BCOR: variants seen among roughly 807,000 people sequenced by gnomAD.
BCOR encodes BCL-6 corepressor.
A neutral mutation model predicts 86.7 loss-of-function variants in BCOR; 10 were observed. The observed-to-expected ratio is 0.12, with a 90% CI of 0.07 to 0.20. The LOEUF (loss-of-function observed/expected upper bound fraction) is 0.20. Ranked by LOEUF, BCOR falls within the 10% of genes least tolerant of loss-of-function variation. The pLI, the probability that BCOR is intolerant of heterozygous loss-of-function variation, is 1.00. For synonymous variants in BCOR, 611 were observed against 609.0 expected (o/e 1.00, Z -0.05); for missense variants, 1,259 against 1,452.1 (o/e 0.87, Z 2.16).
rs749475374 is a variant in BCOR at position 40,074,586 on chromosome X, C to T, written c.760G>A (p.Gly254Ser). ...FLYLPPPHYV[G>S]PHIPSSLASP... ...GCCAAGGACGATGGGATGTGGGGAC[C>T]GACGTAGTGAGGTGGCGGCAGGTAG... Residue 254 changes from glycine to serine, a missense_variant, in exon 4 of 15, where the codon GGT (glycine) becomes AGT (serine). Around this residue, in one of 7 missense-constraint regions of BCOR, gnomAD observed 534 missense variants for 594.8 expected, o/e 0.90. Coordinates refer to ENST00000378444, the MANE Select transcript of BCOR (RefSeq NM_001123385.2). 8.3e-6 allele frequency: 10 copies of T among 1,210,444 alleles called. No homozygotes were observed. Among genetic ancestry groups the T allele is most frequent in the African/African-American group, 7.0e-5 (4 of 57,397 alleles).
At chrX:40,123,794 G>GT (rs869272553) in intron 1 of BCOR, among the ~76,000 whole-genome samples, 12 of 93,134 alleles carry the variant, frequency 1.3e-4, no homozygotes, top group Middle Eastern at 5.2e-3. Flanking sequence ...AGGTTTCCTG[G>GT]TTGTGTGTGT....
In BCOR at chrX:40,174,509, C is replaced by A. The variant is rs189756478; in HGVS notation, c.-41+2498G>T. Among the ~76,000 whole-genome samples the A allele has an allele frequency of 4.4e-5, 5 of 112,743 alleles. No individual in the cohort carries two copies. In the East Asian group the frequency reaches 1.4e-3, roughly 31 times the overall value. On this transcript the variant is annotated intron_variant, in intron 1 of 14. Coordinates refer to the BCOR transcript ENST00000342274. ...GCGGCAGCACACGTCTGGGCAGCCCCCTCCCCGTACCCAGCAGCGTGTACG... is the reference window on the plus strand; with the variant it reads ...GCGGCAGCACACGTCTGGGCAGCCCACTCCCCGTACCCAGCAGCGTGTACG...
At chrX:40,111,675 T>C (rs1336876457) in intron 1 of BCOR, among the ~76,000 whole-genome samples, 1 of 112,142 alleles carries the variant, frequency 8.9e-6, no homozygotes, top group Non-Finnish European at 1.9e-5. Flanking sequence ...CTGCTACAGT[T>C]TGTGTAAAAA....
chrX:40,166,977 G>C (rs897429081), intron 1 of BCOR, among the ~76,000 whole-genome samples: 3 of 111,488 alleles, frequency 2.7e-5, no homozygotes, highest in South Asian at 3.7e-4. Flanking sequence ...GCTCAGAAGT[G>C]CCAGGCTCCT....
intron 6 of BCOR, among the ~76,000 whole-genome samples, chrX:40,066,018 C>T (rs1935182973): frequency 9.0e-6 from 1 of 111,170 alleles, no homozygotes; most frequent in Non-Finnish European, 1.9e-5. Flanking sequence ...TTCACCTTCT[C>T]TTCAAGGGTG....
intron 1 of BCOR, among the ~76,000 whole-genome samples, chrX:40,139,441 TATATA>T (rs1442517549): frequency 6.0e-5 from 1 of 16,577 alleles, no homozygotes; most frequent in Non-Finnish European, 8.1e-5. Context: ...TATATATATA[TATATA>T]ATATATATAC....
At chrX:40,080,057 C>G (rs997624468) in intron 1 of BCOR, among the ~76,000 whole-genome samples, 2 of 80,678 alleles carry the variant, frequency 2.5e-5, no homozygotes, top group Admixed American at 2.2e-4. Flanking sequence ...CTCAACCAAA[C>G]CCCCAAGAAA....
At chrX:40,082,399 G>A (rs186837942) in intron 1 of BCOR, among the ~76,000 whole-genome samples, 9 of 111,967 alleles carry the variant, frequency 8.0e-5, no homozygotes, top group African/African-American at 2.6e-4. Flanking sequence ...GTCCACACAG[G>A]CATTGAGGGT....
Position 40,073,584 on chromosome X carries a change from C to T in BCOR, c.1762G>A (p.Val588Ile), listed in dbSNP as rs1935603023. Residue 588 changes from valine (V) to isoleucine (I), a missense_variant, in exon 4 of 15, where the codon GTA (valine) becomes ATA (isoleucine). Val to Ile is a conservative substitution (Grantham distance 29). Coordinates refer to ENST00000378444, the MANE Select transcript of BCOR (RefSeq NM_001123385.2). The stretch of plus-strand genomic sequence containing the variant: ...TGAATAACGGATGGTGTGGTTTCTA[C>T]AGAGCTCCTGCTGGTTTTGGTGCCA... ...ADGTKTSRSSVETTPSVIQHV... is the reference protein window; with the variant it reads ...ADGTKTSRSSIETTPSVIQHV... 1 of 1,212,194 alleles carries T rather than the reference C, an allele frequency of 8.2e-7. No individual in the cohort carries two copies.
intron 1 of BCOR, among the ~76,000 whole-genome samples, chrX:40,143,058 C>T (rs757370555): frequency 2.9e-4 from 33 of 112,374 alleles, no homozygotes; most frequent in Admixed American, 5.6e-4. Flanking sequence ...GCTGAGCTGC[C>T]GGCAGGTAGA....
rs182717314 is a variant in BCOR, at chrX:40,140,224, G to A, written c.-41+36783C>T. On this transcript the variant is annotated intron_variant, in intron 1 of 14. Coordinates refer to the BCOR transcript ENST00000342274. ...TGTAATCCCAGCACTTTGGGAGGCC[G>A]AGGCGGGAGGATCACTTGAGCCCAG... Among the ~76,000 whole-genome samples the A allele has an allele frequency of 2.4e-3, 262 of 107,964 alleles. 2 individuals carry two copies. Among genetic ancestry groups the A allele is most frequent in the African/African-American group, 7.7e-3 (226 of 29,515 alleles). The allele number at this position is 107,964 out of a possible 115,157, so 93.8% of individuals were successfully genotyped here. A position where few individuals can be genotyped will look rare whatever the true frequency, so the allele number is the denominator to read the frequency against.
intron 1 of BCOR, among the ~76,000 whole-genome samples, chrX:40,170,941 T>C (rs1428331849): frequency 1.8e-5 from 2 of 111,847 alleles, no homozygotes; most frequent in Non-Finnish European, 3.8e-5. Context: ...AGCAGAAGGG[T>C]TGAGCCGCAT....
intron 1 of BCOR, among the ~76,000 whole-genome samples, chrX:40,092,388 G>A (rs757349449): frequency 1.8e-5 from 2 of 111,009 alleles, no homozygotes; most frequent in African/African-American, 6.5e-5. Flanking sequence ...CGGAGTTTAC[G>A]TGCGCGTCTG....
At chrX:40,172,469 C>T (rs2148034168) in intron 1 of BCOR, among the ~76,000 whole-genome samples, 1 of 113,561 alleles carries the variant, frequency 8.8e-6, no homozygotes, top group South Asian at 3.5e-4. Flanking sequence ...CACACAACCG[C>T]CACGGGCTTC....
chrX:40,071,875 C>T (rs1935490713), intron 4 of BCOR, 185 bp from the exon 5 acceptor site: 1 of 435,673 alleles, frequency 2.3e-6, no homozygotes, highest in Non-Finnish European at 4.0e-6. Context: ...AAGTTAAATA[C>T]ATACTCTATC....
At chrX:40,109,563 G>A (rs1937261610) in intron 1 of BCOR, among the ~76,000 whole-genome samples, 1 of 111,552 alleles carries the variant, frequency 9.0e-6, no homozygotes, top group Non-Finnish European at 1.9e-5. Flanking sequence ...GACGGACTCG[G>A]CGCCGGCCCC....
chrX:40,167,511 C>T (rs1305982657), intron 1 of BCOR, among the ~76,000 whole-genome samples: 1 of 112,693 alleles, frequency 8.9e-6, no homozygotes. Context: ...CTTATTCCCG[C>T]CCTGATTTAA....
intron 1 of BCOR, among the ~76,000 whole-genome samples, chrX:40,159,407 C>T (rs1378083015): frequency 8.8e-6 from 1 of 113,115 alleles, no homozygotes; most frequent in Non-Finnish European, 1.9e-5. Context: ...AGTGCACTGG[C>T]GCGATCTCCG....
chrX:40,096,041 C>A (rs1936849234), intron 1 of BCOR, among the ~76,000 whole-genome samples: 1 of 112,707 alleles, frequency 8.9e-6, no homozygotes, highest in Non-Finnish European at 1.9e-5. Flanking sequence ...CGCCGCGAGC[C>A]CCCGAGTTGG....
Sources: allele counts gnomAD v4.1 joint callset (sites outside exome capture counted in the v4.1 genomes callset), GRCh38; gene constraint gnomAD v4.1.1; regional missense constraint gnomAD v4.1.1; transcripts MANE v1.5; gene names NCBI Gene and HGNC (gene_info 2026-07-23, HGNC 2026-07-21).